UBR3: variants seen among roughly 807,000 people sequenced by gnomAD.
UBR3 encodes E3 ubiquitin-protein ligase UBR3.
Under a neutral mutation model 243.2 loss-of-function variants are expected in UBR3, and 85 were observed. The ratio of observed to expected loss-of-function variants is 0.35; its 90% CI spans 0.29 to 0.42. The LOEUF (loss-of-function observed/expected upper bound fraction) is 0.42. UBR3 is among the 10% of genes least tolerant of loss of function. The pLI is 1.00. For missense variants in UBR3, 1,686 were observed against 2,300.8 expected (o/e 0.73, Z 5.47); for synonymous variants, 748 against 799.8 (o/e 0.94, Z 1.09).
chr2:170,074,773 G>A (rs1325011071), intron 36 of UBR3, among the ~76,000 whole-genome samples: 1 of 151,384 alleles, frequency 6.6e-6, no homozygotes, highest in Admixed American at 6.6e-5. Context: ...CTATAAGGCT[G>A]TACTTTTGTG....
At chr2:170,014,410 T>C (rs2090176316) in intron 29 of UBR3, 1 of 151,662 alleles carries the variant, frequency 6.6e-6, no homozygotes, top group Non-Finnish European at 1.5e-5. Flanking sequence ...AAATGCATAT[T>C]AGGGTCAGTT....
At chr2:169,988,277 A>C (rs911517329) in intron 25 of UBR3, among the ~76,000 whole-genome samples, 8 of 152,212 alleles carry the variant, frequency 5.3e-5, no homozygotes, top group Non-Finnish European at 1.0e-4. Flanking sequence ...TTGAGCTCCT[A>C]GGTGTCAGGC....
chr2:169,911,775 G>C (rs1365138559), intron 10 of UBR3, among the ~76,000 whole-genome samples: 1 of 152,058 alleles, frequency 6.6e-6, no homozygotes, highest in African/African-American at 2.4e-5. Context: ...GGTTTTAAAA[G>C]TTTATTTATC....
At chr2:169,961,913 C>T (rs539406856) in intron 24 of UBR3, among the ~76,000 whole-genome samples, 5 of 146,506 alleles carry the variant, frequency 3.4e-5, no homozygotes, top group African/African-American at 7.5e-5. Context: ...AGTCATCCTC[C>T]GAGATGGTTC....
intron 2 of UBR3, 63 bp downstream of exon 2, chr2:169,872,438 A>G: frequency 8.2e-7 from 1 of 1,216,466 alleles, no homozygotes. Flanking sequence ...AAGTTTTAGT[A>G]TTAATTATGA....
intron 27 of UBR3, 73 bp downstream of exon 27, chr2:170,001,487 A>C: frequency 1.2e-6 from 1 of 855,254 alleles, no homozygotes. Context: ...TAGTATATAC[A>C]TCCCAATTCC....
chr2:169,983,252 CTTTTTTTTT>C (rs72194627), intron 24 of UBR3, among the ~76,000 whole-genome samples: 2 of 72,000 alleles, frequency 2.8e-5, no homozygotes, highest in East Asian at 3.6e-4. Context: ...ATTCTCTCTC[CTTTTTTTTT>C]TTTTTTTTTT....
chr2:169,993,905 C>G (rs1477229267), intron 25 of UBR3, among the ~76,000 whole-genome samples: 3 of 152,156 alleles, frequency 2.0e-5, no homozygotes, highest in Admixed American at 6.5e-5. Context: ...TCTTTTTAAT[C>G]ACACATCCTT....
intron 26 of UBR3, among the ~76,000 whole-genome samples, chr2:169,998,291 G>A (rs541658720): frequency 6.6e-6 from 1 of 152,280 alleles, no homozygotes; most frequent in South Asian, 2.1e-4. Context: ...CAAAAAGTTA[G>A]GGTATCTCTT....
At chr2:170,042,834 T>C (rs746884337) in intron 32 of UBR3, among the ~76,000 whole-genome samples, 1 of 152,086 alleles carries the variant, frequency 6.6e-6, no homozygotes, top group Non-Finnish European at 1.5e-5. Context: ...TCAGATATTT[T>C]TGAATGTTAC....
intron 30 of UBR3, among the ~76,000 whole-genome samples, chr2:170,024,221 G>A (rs1559196749): frequency 1.3e-5 from 2 of 151,982 alleles, no homozygotes; most frequent in Non-Finnish European, 1.5e-5. Context: ...TGGTGTGGTG[G>A]TGGGAGCCTG....
At chr2:169,943,298 C>A (rs991993977) in intron 20 of UBR3, among the ~76,000 whole-genome samples, 1 of 152,086 alleles carries the variant, frequency 6.6e-6, no homozygotes, top group Non-Finnish European at 1.5e-5. Flanking sequence ...TTTATAATCT[C>A]ATCTGCATGA....
intron 3 of UBR3, among the ~76,000 whole-genome samples, chr2:169,876,688 G>T (rs768233067): frequency 2.0e-5 from 3 of 152,096 alleles, no homozygotes; most frequent in Non-Finnish European, 4.4e-5. Context: ...CTCCCGAGTA[G>T]CTGGGATTAC....
At chr2:169,901,689 T>G (rs1328393455) in intron 8 of UBR3, among the ~76,000 whole-genome samples, 1 of 152,238 alleles carries the variant, frequency 6.6e-6, no homozygotes, top group Non-Finnish European at 1.5e-5. Context: ...CAGCGATAGC[T>G]GAAGACTAAA....
At chr2:169,840,122 C>T (rs193236673) in intron 1 of UBR3, among the ~76,000 whole-genome samples, 87 of 152,304 alleles carry the variant, frequency 5.7e-4, no homozygotes, top group Middle Eastern at 3.4e-3. Context: ...CCTCCCGAGT[C>T]TGCTTTTAGC....
At chr2:169,842,696 C>T (rs1391887981) in intron 1 of UBR3, among the ~76,000 whole-genome samples, 1 of 152,104 alleles carries the variant, frequency 6.6e-6, no homozygotes, top group African/African-American at 2.4e-5. Context: ...CCTGAGCCAG[C>T]GAGACCACGA....
chr2:169,832,278 C>A (rs979954870), intron 1 of UBR3, among the ~76,000 whole-genome samples: 2 of 152,042 alleles, frequency 1.3e-5, no homozygotes, highest in Non-Finnish European at 2.9e-5. Flanking sequence ...TGGCTGGGCG[C>A]GGTGGCTCAC....
At chr2:169,845,312 A>G (rs548510256) in intron 1 of UBR3, among the ~76,000 whole-genome samples, 1 of 151,464 alleles carries the variant, frequency 6.6e-6, no homozygotes, top group South Asian at 2.1e-4. Context: ...AGTCCCAGCT[A>G]CTCAGAAAGC....
At position 169,891,613 on chromosome 2, in the gene UBR3, GAC is replaced by G. The variant is rs3082964; in HGVS notation, c.1105+408_1105+409del. 3.2e-3 allele frequency among the ~76,000 whole-genome samples: 482 copies of G among 148,900 alleles called. 2 individuals are homozygous for G. Among genetic ancestry groups the G allele is most frequent in the South Asian group, 0.017 (80 of 4,716 alleles). On this transcript the variant is annotated intron_variant, in intron 6 of 38. Coordinates refer to ENST00000272793, the MANE Select transcript of UBR3 (RefSeq NM_172070.4). ...GATGACATGGTGAGAGAGAGACAGA[GAC>G]ACACACACACACACACACACACACA...
Sources: gnomAD v4.1 joint callset for allele counts (sites outside exome capture counted in the v4.1 genomes callset) on GRCh38, gnomAD v4.1.1 for gene constraint, MANE v1.5 for transcripts, NCBI Gene and HGNC (gene_info 2026-07-23, HGNC 2026-07-21) for gene names.